The following CDKAL1 variants were observed in gnomAD, a reference collection of about 807,000 sequenced individuals.
The protein encoded by CDKAL1 is threonylcarbamoyladenosine tRNA methylthiotransferase.
Under a neutral mutation model 68.2 loss-of-function variants are expected in CDKAL1, and 32 were observed. The observed-to-expected ratio is 0.47, with a 90% CI of 0.35 to 0.63. CDKAL1 has a LOEUF of 0.63. Ranked by LOEUF, CDKAL1 falls within the 30% of genes least tolerant of loss-of-function variation. CDKAL1 has a pLI of 0.00. For missense variants in CDKAL1, 606 were observed against 696.7 expected (o/e 0.87, Z 1.47); for synonymous variants, 234 against 244.3 (o/e 0.96, Z 0.39).
chr6:20,907,180 C>A (rs1762265828), intron 9 of CDKAL1, among the ~76,000 whole-genome samples: 1 of 152,120 alleles, frequency 6.6e-6, no homozygotes, highest in Non-Finnish European at 1.5e-5. Flanking sequence ...CAATATGAAT[C>A]ATTCAATATG....
chr6:20,675,473 A>G (rs1281959558), intron 5 of CDKAL1, among the ~76,000 whole-genome samples: 1 of 152,200 alleles, frequency 6.6e-6, no homozygotes, highest in African/African-American at 2.4e-5. Flanking sequence ...TTAAATATAC[A>G]GTCATGCGTT....
intron 9 of CDKAL1, among the ~76,000 whole-genome samples, chr6:20,953,096 A>G (rs1030883718): frequency 2.6e-5 from 4 of 152,176 alleles, no homozygotes; most frequent in Admixed American, 6.5e-5. Context: ...CCAGGTTGCT[A>G]TTATATAGAG....
intron 15 of CDKAL1, among the ~76,000 whole-genome samples, chr6:21,210,650 T>C (rs532940712): frequency 6.6e-6 from 1 of 152,340 alleles, no homozygotes; most frequent in Non-Finnish European, 1.5e-5. Flanking sequence ...ATCTATAATA[T>C]GTCAAATGTT....
chr6:20,783,190 A>C (rs1284773777), intron 8 of CDKAL1, among the ~76,000 whole-genome samples: 1 of 39,282 alleles, frequency 2.5e-5, no homozygotes, highest in African/African-American at 1.0e-4. Context: ...TTGGCCTTCA[A>C]AAATGTTGGG....
intron 8 of CDKAL1, among the ~76,000 whole-genome samples, chr6:20,786,777 G>C (rs556123102): frequency 2.6e-5 from 4 of 152,208 alleles, no homozygotes; most frequent in African/African-American, 7.2e-5. Context: ...AATTACAGGT[G>C]AGCCACCGCT....
chr6:20,760,868 C>T (rs1774431462), intron 7 of CDKAL1, among the ~76,000 whole-genome samples: 1 of 151,920 alleles, frequency 6.6e-6, no homozygotes, highest in Non-Finnish European at 1.5e-5. Context: ...TTAGATACGA[C>T]ATCAAAAGTA....
At chr6:21,004,385 T>C (rs953512993) in intron 11 of CDKAL1, among the ~76,000 whole-genome samples, 2 of 152,208 alleles carry the variant, frequency 1.3e-5, no homozygotes, top group Non-Finnish European at 2.9e-5. Flanking sequence ...AACCTAGCAG[T>C]GTTGGCACAT....
intron 9 of CDKAL1, among the ~76,000 whole-genome samples, chr6:20,856,751 G>C (rs1295294217): frequency 6.6e-6 from 1 of 152,180 alleles, no homozygotes; most frequent in African/African-American, 2.4e-5. Flanking sequence ...GAACTTTAAA[G>C]GCTGCAAGTT....
intron 5 of CDKAL1, among the ~76,000 whole-genome samples, chr6:20,676,698 T>TATATAAATA (rs1770125764): frequency 1.2e-5 from 1 of 80,752 alleles, no homozygotes; most frequent in African/African-American, 6.9e-5. Flanking sequence ...AATAAATAAA[T>TATATAAATA]AAATAAAATA....
intron 9 of CDKAL1, among the ~76,000 whole-genome samples, chr6:20,871,438 G>A (rs1760210040): frequency 6.6e-6 from 1 of 152,096 alleles, no homozygotes; most frequent in Non-Finnish European, 1.5e-5. Flanking sequence ...TGTAGAATTG[G>A]TAAATTTTGG....
chr6:20,590,331 A>G (rs1353937355), intron 4 of CDKAL1, among the ~76,000 whole-genome samples: 1 of 151,252 alleles, frequency 6.6e-6, no homozygotes, highest in Non-Finnish European at 1.5e-5. Context: ...AGGGCACCAT[A>G]ATTTTATTTT....
chr6:20,719,478 G>T (rs1289412301), intron 5 of CDKAL1, among the ~76,000 whole-genome samples: 1 of 152,060 alleles, frequency 6.6e-6, no homozygotes, highest in East Asian at 1.9e-4. Context: ...ATATGCCATG[G>T]GTTAAAACCA....
At chr6:21,158,360 A>G (rs370077108) in intron 13 of CDKAL1, among the ~76,000 whole-genome samples, 3 of 152,292 alleles carry the variant, frequency 2.0e-5, no homozygotes, top group Admixed American at 2.0e-4. Flanking sequence ...ATTACAGTCA[A>G]TTTTGTCCTG....
intron 2 of CDKAL1, among the ~76,000 whole-genome samples, chr6:20,535,973 C>G (rs182010020): frequency 1.3e-5 from 2 of 152,298 alleles, no homozygotes; most frequent in African/African-American, 4.8e-5. Flanking sequence ...CCTATGCCAC[C>G]CAGGCCAGAG....
intron 4 of CDKAL1, among the ~76,000 whole-genome samples, chr6:20,568,215 T>G (rs753896981): frequency 1.6e-4 from 24 of 151,924 alleles, no homozygotes; most frequent in Non-Finnish European, 2.8e-4. Flanking sequence ...GACGGAGTCT[T>G]GCCATTTTGC....
At chr6:21,169,920 G>GGCC (rs1554191155) in intron 13 of CDKAL1, among the ~76,000 whole-genome samples, 1 of 84,788 alleles carries the variant, frequency 1.2e-5, no homozygotes, top group African/African-American at 7.1e-5. Context: ...GTACGGGAAA[G>GGCC]ACCCCCCCCA....
At chr6:20,799,079 T>G (rs1295345156) in intron 8 of CDKAL1, among the ~76,000 whole-genome samples, 1 of 81,734 alleles carries the variant, frequency 1.2e-5, no homozygotes, top group African/African-American at 4.2e-5. Context: ...TGAGACGGAG[T>G]TTTGCTCTTG....
At chr6:20,894,478 A>C (rs893401555) in intron 9 of CDKAL1, among the ~76,000 whole-genome samples, 1 of 149,824 alleles carries the variant, frequency 6.7e-6, no homozygotes, top group African/African-American at 2.4e-5. Context: ...TAATACTTCA[A>C]ATTTTTTTAC....
chr6:20,562,396 C>T (rs1764301377), intron 4 of CDKAL1, among the ~76,000 whole-genome samples: 1 of 152,064 alleles, frequency 6.6e-6, no homozygotes, highest in African/African-American at 2.4e-5. Flanking sequence ...GGGTAGACAG[C>T]ATCCAGCCCT....
Sources: gnomAD v4.1 joint callset for allele counts (sites outside exome capture counted in the v4.1 genomes callset) on GRCh38, gnomAD v4.1.1 for gene constraint, MANE v1.5 for transcripts, NCBI Gene and HGNC (gene_info 2026-07-23, HGNC 2026-07-21) for gene names.